SLC9B1: variants seen among roughly 807,000 people sequenced by gnomAD.
The protein encoded by SLC9B1 is solute carrier family 9 member B1, also known as sodium/hydrogen exchanger 9B1.
Under a neutral mutation model 51.7 loss-of-function variants are expected in SLC9B1, and 32 were observed. The ratio of observed to expected loss-of-function variants is 0.62; its 90% CI spans 0.47 to 0.83. The LOEUF is 0.83. Among genes scored for constraint, SLC9B1 ranks in the 40% least tolerant of loss-of-function variants. SLC9B1 has a pLI of 0.00. For missense variants in SLC9B1, 406 were observed against 613.2 expected, an observed-to-expected ratio of 0.66 and a Z score of 3.57; for synonymous variants, 145 against 212.7, an observed-to-expected ratio of 0.68 and a Z score of 2.77.
rs550048853 is a variant in SLC9B1, at chr4:102,998,604, G to T, written c.-1-6892C>A. On this transcript the variant is annotated intron_variant, in intron 1 of 11. Transcript: ENST00000296422. The stretch of plus-strand genomic sequence containing the variant: ...TTTTTGGAGGAACCATCATCATATG[G>T]TTTTTTTTTTTTCACAGCAGGTACA... 2.2e-3 allele frequency among the ~76,000 whole-genome samples: 328 copies of T among 146,440 alleles called. 5 individuals are homozygous for T. Among genetic ancestry groups the T allele is most frequent in the Middle Eastern group, 3.5e-3 (1 of 288 alleles).
chr4:102,960,021 C>CA (rs905563165), intron 3 of SLC9B1, among the ~76,000 whole-genome samples: 6 of 150,124 alleles, frequency 4.0e-5, no homozygotes, highest in Non-Finnish European at 8.9e-5. Context: ...AAAAACAAAA[C>CA]AAAAAAACCA....
chr4:103,010,326 G>A (rs1741028773), intron 1 of SLC9B1, among the ~76,000 whole-genome samples: 2 of 152,072 alleles, frequency 1.3e-5, no homozygotes, highest in Admixed American at 1.3e-4. Flanking sequence ...AGGTATAAGG[G>A]TAAGGGACGC....
intron 7 of SLC9B1, among the ~76,000 whole-genome samples, chr4:102,913,797 A>C (rs1297371009): frequency 2.5e-5 from 1 of 40,548 alleles, no homozygotes; most frequent in African/African-American, 2.2e-4. Context: ...GATAGAAACT[A>C]AAAAAAAAAA....
intron 1 of SLC9B1, among the ~76,000 whole-genome samples, chr4:103,015,281 CAAAA>C (rs201798527): frequency 1.5e-5 from 1 of 67,824 alleles, no homozygotes; most frequent in Non-Finnish European, 3.2e-5. Context: ...ATGTATGGAC[CAAAA>C]AAAAAAAAAA....
chr4:102,975,546 T>C (rs577332431), intron 3 of SLC9B1, among the ~76,000 whole-genome samples: 4 of 146,328 alleles, frequency 2.7e-5, no homozygotes, highest in African/African-American at 1.0e-4. Flanking sequence ...TTCAACTATA[T>C]CTATAATGAT....
At chr4:102,885,277 A>C (rs756402482) in exon 12 of SLC9B1, 6 of 1,614,164 alleles carry the variant, frequency 3.7e-6, no homozygotes, top group Non-Finnish European at 5.1e-6. Context: ...GCTACCTTGC[A>C]GTTCGTCCAT....
intron 11 of SLC9B1, chr4:102,889,556 C>T (rs1734124637): frequency 6.6e-6 from 1 of 152,258 alleles, no homozygotes; most frequent in Non-Finnish European, 1.5e-5. Context: ...TGTCAAATAA[C>T]ATTGAAAATG....
intron 6 of SLC9B1, among the ~76,000 whole-genome samples, chr4:102,943,254 T>C (rs1018964593): frequency 6.6e-6 from 1 of 151,910 alleles, no homozygotes; most frequent in Non-Finnish European, 1.5e-5. Context: ...ACAACCACTA[T>C]GGAAAAGAGT....
intron 1 of SLC9B1, among the ~76,000 whole-genome samples, 166 bp downstream of exon 1, chr4:103,019,433 T>A (rs1180766135): frequency 2.0e-5 from 3 of 152,030 alleles, no homozygotes; most frequent in Non-Finnish European, 4.4e-5. Flanking sequence ...GGAGAGACAA[T>A]GTCTGTGGCT....
At chr4:102,938,064 T>C (rs1350064569) in intron 6 of SLC9B1, among the ~76,000 whole-genome samples, 1 of 152,114 alleles carries the variant, frequency 6.6e-6, no homozygotes, top group Non-Finnish European at 1.5e-5. Context: ...ACGCCCCACT[T>C]AAAACTCACA....
chr4:102,910,907 TA>T (rs1456214606), intron 8 of SLC9B1, among the ~76,000 whole-genome samples: 1 of 152,178 alleles, frequency 6.6e-6, no homozygotes, highest in Non-Finnish European at 1.5e-5. Context: ...AATGAATTCT[TA>T]AAAAATATTT....
chr4:102,949,406 C>A lies in SLC9B1; in HGVS notation c.233G>T (p.Trp78Leu), dbSNP rs1290382799. The change falls in exon 4 of 12, where the codon TGG becomes TTG. Residue 78 changes from tryptophan (W) to leucine (L), a missense_variant. Trp to Leu is a moderately conservative substitution (Grantham distance 61). Coordinates refer to ENST00000296422, the MANE Select transcript of SLC9B1 (RefSeq NM_139173.4). Reference protein sequence around the residue: ...ITNGVILFVIWCMTWSILGSE... With the variant: ...ITNGVILFVILCMTWSILGSE... ...GCCTAAGATTGACCAGGTCATACAC[C>A]ATATCACAAACAGTATAACTCCTGA... 5 of 1,596,810 alleles carry A rather than the reference C, an allele frequency of 3.1e-6. No individual in the cohort carries two copies. The highest frequency in any genetic ancestry group is 1.1e-5 in the South Asian group (1 of 87,312).
At chr4:102,983,139 G>C (rs1215868929) in intron 3 of SLC9B1, among the ~76,000 whole-genome samples, 1 of 152,074 alleles carries the variant, frequency 6.6e-6, no homozygotes, top group African/African-American at 2.4e-5. Flanking sequence ...TGCATCTACT[G>C]ATATGATCAT....
At chr4:102,926,755 AGTTCATATG>A (rs1377233622) in intron 7 of SLC9B1, among the ~76,000 whole-genome samples, 1 of 152,240 alleles carries the variant, frequency 6.6e-6, no homozygotes, top group Non-Finnish European at 1.5e-5. Context: ...ACTGCTTTAA[AGTTCATATG>A]GAACCAAAAA....
Position 102,905,545 on chromosome 4 carries a change from G to A in SLC9B1, c.1301C>T (p.Ala434Val), listed in dbSNP as rs1254361037. ...TGTAGCTTTGGGCATCCATGCTAAA[G>A]CAATAAATATTTTCTCCTTAAAACT... ...GFSFKEKIFI[A>V]LAWMPKATVQ... The change falls in exon 11 of 12, where the codon GCT (alanine) becomes GTT (valine). Residue 434 changes from alanine to valine, a missense_variant. Around this residue, in one of 6 missense-constraint regions of SLC9B1, gnomAD observed 4 missense variants for 26.5 expected, o/e 0.15. Coordinates refer to ENST00000296422, the MANE Select transcript of SLC9B1 (RefSeq NM_139173.4). The A allele has an allele frequency of 6.2e-7, 1 of 1,611,082 alleles. No homozygotes were observed. The highest frequency in any genetic ancestry group is 1.3e-5 in the African/African-American group (1 of 74,808).
chr4:102,930,473 T>C (rs1378575346), intron 7 of SLC9B1, among the ~76,000 whole-genome samples: 1 of 152,186 alleles, frequency 6.6e-6, no homozygotes, highest in Non-Finnish European at 1.5e-5. Flanking sequence ...CCAGGCTGGA[T>C]AGCTCACTAC....
chr4:102,960,894 G>A (rs1490984059), intron 3 of SLC9B1, among the ~76,000 whole-genome samples: 7 of 151,764 alleles, frequency 4.6e-5, no homozygotes, highest in Admixed American at 6.6e-5. Flanking sequence ...CACCATACCC[G>A]GCTAATTTGG....
intron 7 of SLC9B1, among the ~76,000 whole-genome samples, chr4:102,922,376 C>A (rs934783147): frequency 2.6e-5 from 4 of 152,122 alleles, no homozygotes; most frequent in African/African-American, 9.7e-5. Flanking sequence ...AACAAAGGCA[C>A]AATGTACCAG....
At chr4:102,993,393 T>C (rs753444703) in intron 1 of SLC9B1, among the ~76,000 whole-genome samples, 1 of 152,218 alleles carries the variant, frequency 6.6e-6, no homozygotes, top group Non-Finnish European at 1.5e-5. Context: ...CTCCTTTTAC[T>C]CCATGTGGCA....
Sources: allele counts gnomAD v4.1 joint callset (sites outside exome capture counted in the v4.1 genomes callset), GRCh38; gene constraint gnomAD v4.1.1; regional missense constraint gnomAD v4.1.1; transcripts MANE v1.5; gene names NCBI Gene and HGNC (gene_info 2026-07-23, HGNC 2026-07-21).